The following KIRREL3 variants were observed in gnomAD, a reference collection of about 807,000 sequenced individuals.
KIRREL3 encodes kirre like nephrin family adhesion molecule 3.
A neutral mutation model predicts 89.7 loss-of-function variants in KIRREL3; 36 were observed. That is an observed-to-expected ratio of 0.40 (90% CI 0.31 to 0.53). KIRREL3 has a LOEUF of 0.53. Ranked by LOEUF, KIRREL3 falls within the 20% of genes least tolerant of loss-of-function variation. KIRREL3 has a pLI of 0.49. For synonymous variants in KIRREL3, 445 were observed against 441.4 expected (o/e 1.01, Z -0.10); for missense variants, 864 against 1,056.6 (o/e 0.82, Z 2.53).
In KIRREL3 at chr11:126,877,994, G is replaced by C. The variant is rs762993929; in HGVS notation, c.55+122461C>G. Among the ~76,000 whole-genome samples the C allele has an allele frequency of 2.0e-5, 3 of 152,128 alleles. No individual in the cohort carries two copies. The highest frequency in any genetic ancestry group is 7.2e-5 in the African/African-American group (3 of 41,428). ...AGAATCAAAGATATGGAGGTGACTCGTCCAAGGTCTTAGAAGTGGGATGAA... is the reference window on the plus strand; with the variant it reads ...AGAATCAAAGATATGGAGGTGACTCCTCCAAGGTCTTAGAAGTGGGATGAA... On this transcript the variant is annotated intron_variant, in intron 1 of 16. Coordinates refer to ENST00000525144, the MANE Select transcript of KIRREL3 (RefSeq NM_032531.4). The surrounding 1 kb of genome is among the most constrained non-coding windows in gnomAD (Gnocchi z 4.9).
At chr11:126,467,889 G>C (rs1384424817) in intron 5 of KIRREL3, among the ~76,000 whole-genome samples, 1 of 152,198 alleles carries the variant, frequency 6.6e-6, no homozygotes, top group Admixed American at 6.5e-5. Flanking sequence ...TAGGTGCAGG[G>C]TGATGGGTGA....
In KIRREL3 at chr11:126,683,195, A is replaced by G. The variant is rs1487102444; in HGVS notation, c.56-120283T>C. On this transcript the variant is annotated intron_variant, in intron 1 of 16. Coordinates refer to ENST00000525144, the MANE Select transcript of KIRREL3 (RefSeq NM_032531.4). This position sits in a 1 kb window ranked among gnomAD's most constrained non-coding sequence, Gnocchi z 5.2. ...TAGGGGTATTGGAAATATTAAGAAA[A>G]TACAGCAGGGAGAGATTGATTTTTA... Among the ~76,000 whole-genome samples the G allele has an allele frequency of 6.6e-6, 1 of 152,190 alleles. No individual in the cohort carries two copies. Among genetic ancestry groups the G allele is most frequent in the East Asian group, 1.9e-4 (1 of 5,202 alleles).
At chr11:126,467,913 G>A (rs1956777103) in intron 5 of KIRREL3, among the ~76,000 whole-genome samples, 1 of 152,190 alleles carries the variant, frequency 6.6e-6, no homozygotes. Context: ...ACCAGGGAGG[G>A]GGTGCCCAGT....
rs1944487935 is a variant in KIRREL3 at position 126,641,948 on chromosome 11, G to A, written c.56-79036C>T. 6.6e-6 allele frequency among the ~76,000 whole-genome samples: 1 copy of A among 152,128 alleles called. No homozygotes were observed. The highest frequency in any genetic ancestry group is 1.5e-5 in the Non-Finnish European group (1 of 68,016). Reference sequence around the variant, plus strand: ...TTCTGCAACTTCAAGTGGCAGTTAGGGAAGGATCCTCTCTCCATTATATGA... The same window carrying A: ...TTCTGCAACTTCAAGTGGCAGTTAGAGAAGGATCCTCTCTCCATTATATGA... On this transcript the variant is annotated intron_variant, in intron 1 of 16. Transcript: ENST00000525144. This position sits in a 1 kb window ranked among gnomAD's most constrained non-coding sequence, Gnocchi z 5.0.
In KIRREL3 at chr11:126,664,993, G is replaced by A. The variant is rs1045568943; in HGVS notation, c.56-102081C>T. Among the ~76,000 whole-genome samples, 23 of 152,308 alleles carry A rather than the reference G, an allele frequency of 1.5e-4. No individual in the cohort carries two copies. The highest frequency in any genetic ancestry group is 4.3e-4 in the African/African-American group (18 of 41,568). On this transcript the variant is annotated intron_variant, in intron 1 of 16. Coordinates refer to ENST00000525144, the MANE Select transcript of KIRREL3 (RefSeq NM_032531.4). This position sits in a 1 kb window ranked among gnomAD's most constrained non-coding sequence, Gnocchi z 5.4. ...TAACATGATGATTATTTTGGAGTGCGTTCTTTTGCTTCTCACAATGAGCAG... is the reference window on the plus strand; with the variant it reads ...TAACATGATGATTATTTTGGAGTGCATTCTTTTGCTTCTCACAATGAGCAG...
At chr11:126,854,740 GAA>G (rs1944454909) in intron 1 of KIRREL3, among the ~76,000 whole-genome samples, 1 of 152,244 alleles carries the variant, frequency 6.6e-6, no homozygotes, top group Admixed American at 6.5e-5. Flanking sequence ...TATATACCTG[GAA>G]GTCGAATTTC....
chr11:126,599,159 C>G lies in KIRREL3; in HGVS notation c.56-36247G>C, dbSNP rs1372347007. ...AAAAGAGAAGCTTCAAAGAACCCCA[C>G]ATTGGCCCCTCTTAGGGCTCTGACT... On this transcript the variant is annotated intron_variant, in intron 1 of 16. Transcript: ENST00000525144. Among the ~76,000 whole-genome samples, 4 of 152,338 alleles carry G rather than the reference C, an allele frequency of 2.6e-5. No individual in the cohort carries two copies. The South Asian group carries it at 6.2e-4, about 24-fold the overall frequency.
rs749792971 is a variant in KIRREL3, at chr11:126,555,207, C to G, written c.133+7628G>C. Among the ~76,000 whole-genome samples, 3 of 152,150 alleles carry G rather than the reference C, an allele frequency of 2.0e-5. No individual in the cohort carries two copies. The highest frequency in any genetic ancestry group is 4.1e-4 in the South Asian group (2 of 4,830). On this transcript the variant is annotated intron_variant, in intron 2 of 16. Transcript: ENST00000525144. The surrounding 1 kb of genome is among the most constrained non-coding windows in gnomAD (Gnocchi z 4.2). ...GAGATGAGTGACTGGCCGGTTCCAGCGTTCATTCCCTCTGGTTCCTGCACT... is the reference window on the plus strand; with the variant it reads ...GAGATGAGTGACTGGCCGGTTCCAGGGTTCATTCCCTCTGGTTCCTGCACT...
At position 126,708,097 on chromosome 11, in the gene KIRREL3, A is replaced by G. The variant is rs556381668; in HGVS notation, c.56-145185T>C. On this transcript the variant is annotated intron_variant, in intron 1 of 16. Coordinates refer to ENST00000525144, the MANE Select transcript of KIRREL3 (RefSeq NM_032531.4). The surrounding 1 kb of genome is among the most constrained non-coding windows in gnomAD (Gnocchi z 5.7). ...TCCCAGGGTATCCGTGCCCCGTTTG[A>G]TCAGAAAGAAACACACCCAATCTTC... Among the ~76,000 whole-genome samples, 9 of 152,216 alleles carry G rather than the reference A, an allele frequency of 5.9e-5. No individual in the cohort carries two copies. Among genetic ancestry groups the G allele is most frequent in the African/African-American group, 1.4e-4 (6 of 41,540 alleles).
chr11:126,674,743 ATT>A (rs538863109), intron 1 of KIRREL3, among the ~76,000 whole-genome samples: 96 of 152,334 alleles, frequency 6.3e-4, no homozygotes, highest in African/African-American at 2.2e-3. Context: ...GGAGCTAAGA[ATT>A]TTAAATTGTA....
intron 4 of KIRREL3, among the ~76,000 whole-genome samples, chr11:126,510,436 CCT>C (rs1958181927): frequency 6.8e-6 from 1 of 147,180 alleles, no homozygotes; most frequent in African/African-American, 2.6e-5. Context: ...TTCCTTCCTT[CCT>C]TCCTTCCTTC....
chr11:126,961,981 T>A (rs1489958883), intron 1 of KIRREL3, among the ~76,000 whole-genome samples: 1 of 152,228 alleles, frequency 6.6e-6, no homozygotes, highest in Non-Finnish European at 1.5e-5. Flanking sequence ...TTAAGCCCAC[T>A]GTTGAGAACT....
At chr11:126,888,306 G>A (rs930221983) in intron 1 of KIRREL3, among the ~76,000 whole-genome samples, 1 of 152,154 alleles carries the variant, frequency 6.6e-6, no homozygotes, top group Non-Finnish European at 1.5e-5. Flanking sequence ...TCTTTGAAGT[G>A]AGGGAGCTCA....
chr11:126,950,903 C>T (rs1234545615), intron 1 of KIRREL3, among the ~76,000 whole-genome samples: 3 of 152,214 alleles, frequency 2.0e-5, no homozygotes. Context: ...TTTCTAAGAA[C>T]AACCCAGTTA....
At position 126,565,856 on chromosome 11, in the gene KIRREL3, G is replaced by A. The variant is rs1940482723; in HGVS notation, c.56-2944C>T. 6.6e-6 allele frequency among the ~76,000 whole-genome samples: 1 copy of A among 151,960 alleles called. No individual in the cohort carries two copies. The highest frequency in any genetic ancestry group is 2.1e-4 in the South Asian group (1 of 4,790). On this transcript the variant is annotated intron_variant, in intron 1 of 16. Transcript: ENST00000525144. The surrounding 1 kb of genome is among the most constrained non-coding windows in gnomAD (Gnocchi z 5.4). Reference sequence around the variant, plus strand: ...GGAGGAAGCAGGAGGCAATTGCTTTGGCTTGGGGAGACTCTACCAAGCCAA... The same window carrying A: ...GGAGGAAGCAGGAGGCAATTGCTTTAGCTTGGGGAGACTCTACCAAGCCAA...
In KIRREL3 at chr11:126,570,819, G is replaced by T. The variant is rs192848630; in HGVS notation, c.56-7907C>A. Among the ~76,000 whole-genome samples, 65 of 152,306 alleles carry T rather than the reference G, an allele frequency of 4.3e-4. No homozygotes were observed. Among genetic ancestry groups the T allele is most frequent in the African/African-American group, 1.5e-3 (61 of 41,562 alleles). On this transcript the variant is annotated intron_variant, in intron 1 of 16. Transcript: ENST00000525144. The surrounding 1 kb of genome is among the most constrained non-coding windows in gnomAD (Gnocchi z 6.1). ...TGCAGGAAATCTACATGCCCATGTG[G>T]TCATCTATCCTTCGGCTTCTCCAAA...
At chr11:126,866,221 C>T (rs994923628) in intron 1 of KIRREL3, among the ~76,000 whole-genome samples, 3 of 152,184 alleles carry the variant, frequency 2.0e-5, no homozygotes, top group Non-Finnish European at 4.4e-5. Flanking sequence ...CCAAAGATTA[C>T]CCCACAGTTA....
intron 1 of KIRREL3, among the ~76,000 whole-genome samples, chr11:126,667,224 G>GTT (rs1945705508): frequency 2.6e-5 from 4 of 152,204 alleles, no homozygotes; most frequent in Non-Finnish European, 5.9e-5. Context: ...CGCAGCAAAA[G>GTT]TCCATTTCCA....
intron 16 of KIRREL3, 102 bp from the exon 17 acceptor site, chr11:126,425,125 G>C (rs1490846317): frequency 8.6e-7 from 1 of 1,157,888 alleles, no homozygotes; most frequent in Non-Finnish European, 1.2e-6. Context: ...GGAGGGAAGA[G>C]GGAAAACAGG....
Sources: gnomAD v4.1 joint callset for allele counts (sites outside exome capture counted in the v4.1 genomes callset) on GRCh38, gnomAD v4.1.1 for gene constraint, Gnocchi (gnomAD v3.1) non-coding constraint, MANE v1.5 for transcripts, NCBI Gene and HGNC (gene_info 2026-07-23, HGNC 2026-07-21) for gene names.